Variants in AHCYL2 observed in about 807,000 individuals in gnomAD.
AHCYL2 encodes the protein S-adenosylhomocysteine hydrolase-like protein 2.
AHCYL2 carries 28 observed loss-of-function variants against 81.4 expected under a neutral mutation model. That is an observed-to-expected ratio of 0.34 (90% CI 0.25 to 0.47). The LOEUF is 0.47. Among genes scored for constraint, AHCYL2 ranks in the 20% least tolerant of loss-of-function variants. The pLI is 1.00. For missense variants in AHCYL2, 551 were observed against 785.1 expected, an observed-to-expected ratio of 0.70 and a Z score of 3.56; for synonymous variants, 272 against 290.2, an observed-to-expected ratio of 0.94 and a Z score of 0.64.
chr7:129,330,603 T>C (rs1798384534), intron 1 of AHCYL2, among the ~76,000 whole-genome samples: 1 of 152,018 alleles, frequency 6.6e-6, no homozygotes, highest in South Asian at 2.1e-4. Context: ...CCTGAGTAGC[T>C]GGGACTACAG....
chr7:129,306,728 C>T (rs1032346053), intron 1 of AHCYL2, among the ~76,000 whole-genome samples: 4 of 152,112 alleles, frequency 2.6e-5, no homozygotes, highest in Non-Finnish European at 4.4e-5. Flanking sequence ...TGTACCTGTG[C>T]TTCTTGGGAA....
intron 1 of AHCYL2, among the ~76,000 whole-genome samples, chr7:129,353,420 G>T (rs1400707826): frequency 2.0e-5 from 3 of 151,696 alleles, no homozygotes; most frequent in Non-Finnish European, 4.4e-5. Flanking sequence ...TCATCCCTCT[G>T]GTCCTAGTTC....
intron 1 of AHCYL2, among the ~76,000 whole-genome samples, chr7:129,364,147 C>T (rs1794025020): frequency 6.6e-6 from 1 of 151,954 alleles, no homozygotes; most frequent in African/African-American, 2.4e-5. Flanking sequence ...GTTGAGGTGG[C>T]AGGATCACTT....
At chr7:129,270,390 A>G (rs1215640827) in intron 1 of AHCYL2, among the ~76,000 whole-genome samples, 1 of 152,198 alleles carries the variant, frequency 6.6e-6, no homozygotes, top group African/African-American at 2.4e-5. Context: ...GGTCCTGTCC[A>G]TGATAAAAGG....
chr7:129,375,971 A>G (rs1351739619), intron 1 of AHCYL2: 1 of 1,535,406 alleles, frequency 6.5e-7, no homozygotes, highest in Non-Finnish European at 8.7e-7. Context: ...TGCTATAGCC[A>G]TTATTGTAAA....
intron 1 of AHCYL2, among the ~76,000 whole-genome samples, chr7:129,365,763 A>G (rs977834759): frequency 1.5e-4 from 22 of 151,622 alleles, no homozygotes; most frequent in African/African-American, 5.3e-4. Context: ...ATAATATCCA[A>G]GTGATTGTTC....
At chr7:129,260,257 G>C (rs935404615) in intron 1 of AHCYL2, among the ~76,000 whole-genome samples, 2 of 152,096 alleles carry the variant, frequency 1.3e-5, no homozygotes. Flanking sequence ...TTGTATAACT[G>C]TCTTTGTTGG....
chr7:129,359,941 C>CATTT (rs1236113429), intron 1 of AHCYL2, among the ~76,000 whole-genome samples: 1 of 150,428 alleles, frequency 6.6e-6, no homozygotes, highest in Non-Finnish European at 1.5e-5. Context: ...CAAGGAGGTA[C>CATTT]ATTTAGTTTA....
chr7:129,373,047 G>A (rs780961574), intron 1 of AHCYL2, among the ~76,000 whole-genome samples: 4 of 152,026 alleles, frequency 2.6e-5, no homozygotes, highest in Admixed American at 1.3e-4. Context: ...AGCGTCTCCC[G>A]GGGAGTTACT....
chr7:129,272,680 A>G (rs1796061614), intron 1 of AHCYL2, among the ~76,000 whole-genome samples: 1 of 152,190 alleles, frequency 6.6e-6, no homozygotes, highest in South Asian at 2.1e-4. Context: ...AAATGTATCT[A>G]ATGACTTCAG....
At position 129,341,089 on chromosome 7, in the gene AHCYL2, TTTTTC is replaced by T. The variant is rs377611525; in HGVS notation, c.364-38536_364-38532del. Among the ~76,000 whole-genome samples the T allele has an allele frequency of 1.7e-3, 253 of 152,332 alleles. 1 individual carries two copies. The highest frequency in any genetic ancestry group is 7.3e-3 in the East Asian group (38 of 5,190). On this transcript the variant is annotated intron_variant, in intron 1 of 16. Coordinates refer to ENST00000325006, the MANE Select transcript of AHCYL2 (RefSeq NM_015328.4). ...ACAAATTAACAAGAGAAAAACAAAG[TTTTTC>T]TTTTCTTTTCTTCAAAGTTTATGCA... is the stretch of plus-strand genomic sequence containing the variant.
intron 1 of AHCYL2, among the ~76,000 whole-genome samples, chr7:129,314,744 A>G (rs1366863636): frequency 1.3e-5 from 2 of 152,224 alleles, no homozygotes; most frequent in Non-Finnish European, 2.9e-5. Context: ...GTGGGGACAC[A>G]TAGGACACAC....
intron 1 of AHCYL2, among the ~76,000 whole-genome samples, chr7:129,371,636 C>G (rs1234352477): frequency 6.6e-6 from 1 of 152,156 alleles, no homozygotes; most frequent in Non-Finnish European, 1.5e-5. Context: ...TTTTACTTCC[C>G]CTGAGAGATC....
intron 1 of AHCYL2, among the ~76,000 whole-genome samples, chr7:129,264,327 G>A (rs954789460): frequency 6.6e-6 from 1 of 152,188 alleles, no homozygotes; most frequent in African/African-American, 2.4e-5. Flanking sequence ...GCCAGTAGAA[G>A]ATATTTTAGA....
intron 1 of AHCYL2, among the ~76,000 whole-genome samples, chr7:129,318,159 A>G (rs1797891275): frequency 6.6e-6 from 1 of 152,236 alleles, no homozygotes; most frequent in African/African-American, 2.4e-5. Context: ...GACAGTCTGT[A>G]TGGTTAGTAT....
chr7:129,283,495 T>A (rs1362449045), intron 1 of AHCYL2: 3 of 453,804 alleles, frequency 6.6e-6, no homozygotes, highest in Non-Finnish European at 1.3e-5. Context: ...ATACTTCTTA[T>A]GTGCTTGAAA....
rs760071300 is a variant in AHCYL2 at position 129,397,252 on chromosome 7, G to T, written c.751G>T (p.Ala251Ser). The T allele has an allele frequency of 2.5e-6, 4 of 1,613,982 alleles. No individual in the cohort carries two copies. The highest frequency in any genetic ancestry group is 2.5e-6 in the Non-Finnish European group (3 of 1,180,006). ...TATGGAAACTCTGGGTGCTCTGGGG[G>T]CCCAGTGCCGATGGGCTGCCTGCAA... ...VLMETLGALG[A>S]QCRWAACNIY... Residue 251 changes from alanine (A) to serine (S), a missense_variant, in exon 5 of 17, where the codon GCC becomes TCC. By Grantham distance (99) the Ala-to-Ser change is moderately conservative. Coordinates refer to ENST00000325006, the MANE Select transcript of AHCYL2 (RefSeq NM_015328.4).
intron 1 of AHCYL2, among the ~76,000 whole-genome samples, chr7:129,358,256 G>T (rs1793809505): frequency 6.6e-6 from 1 of 151,938 alleles, no homozygotes; most frequent in Non-Finnish European, 1.5e-5. Context: ...GCCGGGCGTG[G>T]TGGCGGGCGC....
At chr7:129,340,094 ATTTT>A (rs951944063) in intron 1 of AHCYL2, among the ~76,000 whole-genome samples, 2 of 142,714 alleles carry the variant, frequency 1.4e-5, no homozygotes, top group East Asian at 4.3e-4. Flanking sequence ...TATTTTTTGT[ATTTT>A]TTTTTAGTAG....
Sources: allele counts gnomAD v4.1 joint callset (sites outside exome capture counted in the v4.1 genomes callset), GRCh38; gene constraint gnomAD v4.1.1; transcripts MANE v1.5; gene names NCBI Gene and HGNC (gene_info 2026-07-23, HGNC 2026-07-21).